CREB3L2: variants seen among roughly 807,000 people sequenced by gnomAD.
The protein encoded by CREB3L2 is cyclic AMP-responsive element-binding protein 3-like protein 2.
CREB3L2 carries 23 observed loss-of-function variants against 57.2 expected under a neutral mutation model. The observed-to-expected ratio is 0.40, with a 90% CI of 0.29 to 0.57. CREB3L2 has a LOEUF of 0.57. Among genes scored for constraint, CREB3L2 ranks in the 20% least tolerant of loss-of-function variants. The pLI, the probability that CREB3L2 is intolerant of heterozygous loss-of-function variation, is 0.42. For synonymous variants in CREB3L2, 268 were observed against 265.1 expected (o/e 1.01, Z -0.11); for missense variants, 628 against 634.7 (o/e 0.99, Z 0.11).
intron 8 of CREB3L2, among the ~76,000 whole-genome samples, chr7:137,893,091 A>G (rs1166833996): frequency 6.6e-6 from 1 of 152,138 alleles, no homozygotes; most frequent in East Asian, 1.9e-4. Context: ...AAAAGCGTAT[A>G]AATTTTCTCC....
At chr7:137,996,547 T>TGG (rs988725569) in intron 1 of CREB3L2, among the ~76,000 whole-genome samples, 3 of 152,156 alleles carry the variant, frequency 2.0e-5, no homozygotes, top group African/African-American at 7.2e-5. Context: ...AACTCCAAAG[T>TGG]GGAACATCAA....
chr7:137,895,512 GAAGA>G (rs1799610678), intron 8 of CREB3L2, among the ~76,000 whole-genome samples: 1 of 152,090 alleles, frequency 6.6e-6, no homozygotes, highest in African/African-American at 2.4e-5. Flanking sequence ...GAGAAAAACT[GAAGA>G]AAGATGAAAA....
rs891933619 is a variant in CREB3L2 at position 137,941,452 on chromosome 7, G to A, written c.103-13086C>T. 6.6e-5 allele frequency among the ~76,000 whole-genome samples: 10 copies of A among 152,174 alleles called. 1 individual carries two copies. The highest frequency in any genetic ancestry group is 2.6e-4 in the Admixed American group (4 of 15,278). On this transcript the variant is annotated intron_variant, in intron 1 of 11. Coordinates refer to ENST00000330387, the MANE Select transcript of CREB3L2 (RefSeq NM_194071.4). ...GGAGCGCAGTAGCCATTGGCTGTCC[G>A]CTCCTGCATGTTCCTTCCTCTCATA...
At chr7:137,901,242 C>T (rs1799748126) in intron 8 of CREB3L2, 112 bp downstream of exon 8, 3 of 729,138 alleles carry the variant, frequency 4.1e-6, no homozygotes, top group South Asian at 3.4e-5. Context: ...CACAACTGCA[C>T]TTTCACTGTG....
chr7:137,885,478 C>T lies in CREB3L2; in HGVS notation c.1068G>A (p.Lys356=). ...TNRTLLQQLQ[K]LQTLVMGKVS... is the part of the protein sequence containing the mutation. ...CCTTGCCCATCACCAAAGTCTGAAG[C>T]TTCTGGAGTTGCTGAAGGAGAGTCC... The change falls in exon 9 of 12, where the codon AAG becomes AAA. Residue 356 remains lysine, a synonymous_variant. Coordinates refer to ENST00000330387, the MANE Select transcript of CREB3L2 (RefSeq NM_194071.4). 1 of 1,614,106 alleles carries T rather than the reference C, an allele frequency of 6.2e-7. No homozygotes were observed. The highest frequency in any genetic ancestry group is 1.3e-5 in the African/African-American group (1 of 75,036).
Position 137,880,350 on chromosome 7 carries a change from G to T in CREB3L2, c.*126C>A. 1.3e-6 allele frequency: 1 copy of T among 761,174 alleles called. No homozygotes were observed. 47.2% of individuals were successfully genotyped at this position (761,174 alleles called of 1,614,324 possible). ...GAAGTCCCAGGCTGGTCTCCAATCT[G>T]AAGCCACTAATGCTTGCCCATGTCT... is the stretch of plus-strand genomic sequence containing the variant. On this transcript the variant is annotated 3_prime_UTR_variant, in exon 12 of 12. Coordinates refer to ENST00000330387, the MANE Select transcript of CREB3L2 (RefSeq NM_194071.4). The surrounding 1 kb of genome is among the most constrained non-coding windows in gnomAD (Gnocchi z 4.0).
intron 8 of CREB3L2, among the ~76,000 whole-genome samples, chr7:137,898,720 G>A (rs928609003): frequency 1.2e-4 from 18 of 144,718 alleles, no homozygotes; most frequent in Non-Finnish European, 1.3e-4. Context: ...CTGTGCTAAC[G>A]GACACCACAA....
rs1047981945 is a variant in CREB3L2 at position 137,899,899 on chromosome 7, C to A, written c.1043+1455G>T. 2.0e-5 allele frequency among the ~76,000 whole-genome samples: 3 copies of A among 151,940 alleles called. No homozygotes were observed. In the East Asian group the frequency reaches 5.8e-4, roughly 29 times the overall value. ...TCATTTGTTATTATCAAATAACATG[C>A]AAAGAGATTTAAACTGATCCCTTAA... On this transcript the variant is annotated intron_variant, in intron 8 of 11. Coordinates refer to ENST00000330387, the MANE Select transcript of CREB3L2 (RefSeq NM_194071.4).
In CREB3L2 at chr7:137,879,448, G is replaced by T. The variant is rs903439221; in HGVS notation, c.*1028C>A. 1.8e-5 allele frequency: 7 copies of T among 384,046 alleles called. No individual in the cohort carries two copies. The highest frequency in any genetic ancestry group is 4.6e-5 in the East Asian group (1 of 21,878). 23.8% of individuals were successfully genotyped at this position (384,046 alleles called of 1,614,324 possible). On this transcript the variant is annotated 3_prime_UTR_variant, in exon 12 of 12. Coordinates refer to ENST00000330387, the MANE Select transcript of CREB3L2 (RefSeq NM_194071.4). The stretch of plus-strand genomic sequence containing the variant: ...CTGTCATGAAAACAGGATAGAAAAA[G>T]CTTGTGGCCAGGGAGCCCGGGGCCT...
chr7:137,960,900 A>G (rs1014234742), intron 1 of CREB3L2, among the ~76,000 whole-genome samples: 5 of 128,940 alleles, frequency 3.9e-5, no homozygotes, highest in African/African-American at 1.5e-4. Flanking sequence ...TGCAACCTCC[A>G]CCTCCCAGGT....
At chr7:137,885,258 T>C in intron 9 of CREB3L2, 137 bp from the exon 10 acceptor site, 1 of 1,191,944 alleles carries the variant, frequency 8.4e-7, no homozygotes, top group Non-Finnish European at 1.2e-6. Flanking sequence ...ATCACCAGAG[T>C]GCCTCACCGA....
At chr7:137,905,917 A>T (rs60066950) in intron 5 of CREB3L2, 69 bp from the exon 6 acceptor site, 40,065 of 1,403,262 alleles carry the variant, frequency 0.029, 1,862 homozygotes, top group African/African-American at 0.21. Context: ...TCACCTCCCA[A>T]TGGGATGATG....
At position 137,879,280 on chromosome 7, in the gene CREB3L2, T is replaced by C; in HGVS notation, c.*1196A>G. ...AAAGGTAAGAATGTGGATACACAAA[T>C]GTCACCTACCCCACCCTGCTTTGTT... is the stretch of plus-strand genomic sequence containing the variant. On this transcript the variant is annotated 3_prime_UTR_variant, in exon 12 of 12. Transcript: ENST00000330387. 1 of 533,554 alleles carries C rather than the reference T, an allele frequency of 1.9e-6. No individual in the cohort carries two copies. Among genetic ancestry groups the C allele is most frequent in the Non-Finnish European group, 3.6e-6 (1 of 275,294 alleles). 33.1% of individuals were successfully genotyped at this position (533,554 alleles called of 1,614,324 possible). A position where few individuals can be genotyped will look rare whatever the true frequency, so the allele number is the denominator to read the frequency against.
At chr7:137,940,277 C>T (rs961293545) in intron 1 of CREB3L2, among the ~76,000 whole-genome samples, 2 of 152,172 alleles carry the variant, frequency 1.3e-5, no homozygotes, top group African/African-American at 2.4e-5. Flanking sequence ...CCAGGGGACA[C>T]CCAGGACATT....
Position 137,915,986 on chromosome 7 carries a change from G to A in CREB3L2, c.346C>T (p.Leu116=). The part of the protein sequence containing the change: ...DDEVESEKWY[L]STDFPSTSIK... ...GATGTTGAAGGGAAGTCTGTAGACA[G>A]GTACCATTTCTCACTTTCCACCTCA... is the stretch of plus-strand genomic sequence containing the variant. Residue 116 remains leucine, a synonymous_variant, in exon 3 of 12, where the codon CTG becomes TTG. Coordinates refer to ENST00000330387, the MANE Select transcript of CREB3L2 (RefSeq NM_194071.4). The A allele has an allele frequency of 1.2e-6, 2 of 1,613,240 alleles. No individual in the cohort carries two copies. Among genetic ancestry groups the A allele is most frequent in the South Asian group, 1.1e-5 (1 of 90,964 alleles).
intron 8 of CREB3L2, among the ~76,000 whole-genome samples, chr7:137,890,618 C>T (rs1182703913): frequency 6.6e-6 from 1 of 152,226 alleles, no homozygotes; most frequent in Non-Finnish European, 1.5e-5. Context: ...GGTAACTCTG[C>T]GTTTGCTGAA....
In CREB3L2 at chr7:137,904,540, T is replaced by C. The variant is rs1214980130; in HGVS notation, c.916-523A>G. ...TTAGCTGGGCGCGGTGGTGCATGCTTGTAATCCCAGCTAATTGGGAGGCTG... is the reference window on the plus strand; with the variant it reads ...TTAGCTGGGCGCGGTGGTGCATGCTCGTAATCCCAGCTAATTGGGAGGCTG... On this transcript the variant is annotated intron_variant, in intron 6 of 11. Coordinates refer to ENST00000330387, the MANE Select transcript of CREB3L2 (RefSeq NM_194071.4). Among the ~76,000 whole-genome samples, 3 of 152,072 alleles carry C rather than the reference T, an allele frequency of 2.0e-5. No homozygotes were observed. The East Asian group carries it at 5.8e-4, about 29-fold the overall frequency.
Position 137,876,468 on chromosome 7 carries a change from A to G in CREB3L2, c.*4008T>C, listed in dbSNP as rs1799157190. 2 of 232,586 alleles carry G rather than the reference A, an allele frequency of 8.6e-6. No individual in the cohort carries two copies. The highest frequency in any genetic ancestry group is 1.7e-5 in the Non-Finnish European group (2 of 117,756). 14.4% of individuals were successfully genotyped at this position (232,586 alleles called of 1,614,324 possible). A position where few individuals can be genotyped will look rare whatever the true frequency, so the allele number is the denominator to read the frequency against. On this transcript the variant is annotated 3_prime_UTR_variant, in exon 12 of 12. Transcript: ENST00000330387. ...TCCCTTCTATTCCCCAATATTCCCTAGGGCCTCAGGCAACACTCTTCCTTA... is the reference window on the plus strand; with the variant it reads ...TCCCTTCTATTCCCCAATATTCCCTGGGGCCTCAGGCAACACTCTTCCTTA...
At chr7:137,889,634 A>C (rs373912614) in intron 8 of CREB3L2, among the ~76,000 whole-genome samples, 49 of 152,200 alleles carry the variant, frequency 3.2e-4, no homozygotes, top group African/African-American at 1.1e-3. Context: ...GGAGAAAGTA[A>C]ACGGAACTGA....
Sources: allele counts gnomAD v4.1 joint callset (sites outside exome capture counted in the v4.1 genomes callset), GRCh38; gene constraint gnomAD v4.1.1; non-coding constraint Gnocchi (gnomAD v3.1); transcripts MANE v1.5; gene names NCBI Gene and HGNC (gene_info 2026-07-23, HGNC 2026-07-21).